The following HS6ST3 variants were observed in gnomAD, a reference collection of about 807,000 sequenced individuals.
HS6ST3 encodes the protein heparan-sulfate 6-O-sulfotransferase 3.
A neutral mutation model predicts 36.7 loss-of-function variants in HS6ST3; 12 were observed. The ratio of observed to expected loss-of-function variants is 0.33; its 90% CI spans 0.21 to 0.53. HS6ST3 has a LOEUF of 0.53. Ranked by LOEUF, HS6ST3 falls within the 20% of genes least tolerant of loss-of-function variation. The pLI is 0.95. For synonymous variants in HS6ST3, 240 were observed against 257.5 expected, an observed-to-expected ratio of 0.93 and a Z score of 0.65; for missense variants, 584 against 640.9, an observed-to-expected ratio of 0.91 and a Z score of 0.96.
intron 1 of HS6ST3, among the ~76,000 whole-genome samples, chr13:96,537,954 G>A (rs1399609709): frequency 6.6e-6 from 1 of 152,150 alleles, no homozygotes; most frequent in African/African-American, 2.4e-5. Flanking sequence ...GATACCAGAA[G>A]AAGAGGTGAG....
intron 1 of HS6ST3, among the ~76,000 whole-genome samples, chr13:96,339,754 A>G (rs568345223): frequency 6.6e-6 from 1 of 152,332 alleles, no homozygotes; most frequent in Admixed American, 6.5e-5. Flanking sequence ...ACAGTGGGTT[A>G]CTATCTTTAT....
intron 1 of HS6ST3, among the ~76,000 whole-genome samples, chr13:96,268,354 C>T (rs910970640): frequency 2.6e-5 from 4 of 151,852 alleles, no homozygotes; most frequent in Non-Finnish European, 4.4e-5. Flanking sequence ...CTTCACATGG[C>T]GGCAGCAGGG....
intron 1 of HS6ST3, among the ~76,000 whole-genome samples, chr13:96,159,850 G>T (rs949898846): frequency 1.3e-5 from 2 of 152,118 alleles, no homozygotes; most frequent in African/African-American, 4.8e-5. Flanking sequence ...CACTAATGAG[G>T]GGCAGTGTCC....
intron 1 of HS6ST3, among the ~76,000 whole-genome samples, chr13:96,166,633 A>C (rs1297114960): frequency 6.9e-6 from 1 of 145,812 alleles, no homozygotes; most frequent in Non-Finnish European, 1.5e-5. Flanking sequence ...GCTGGTCTCA[A>C]ACTCCTAACC....
At chr13:96,798,583 A>G (rs1877968907) in intron 1 of HS6ST3, among the ~76,000 whole-genome samples, 1 of 152,086 alleles carries the variant, frequency 6.6e-6, no homozygotes, top group Admixed American at 6.6e-5. Flanking sequence ...TGGACTTTGT[A>G]ACCATTTAGC....
rs1018461522 is a variant in HS6ST3, at chr13:96,534,770, C to T, written c.708-297720C>T. The stretch of plus-strand genomic sequence containing the variant: ...GGTCAGGAGTTCAAGACCAGCCTGG[C>T]CAACATGGTGAAACCCTGTCTCTAC... On this transcript the variant is annotated intron_variant, in intron 1 of 1. Coordinates refer to ENST00000376705, the MANE Select transcript of HS6ST3 (RefSeq NM_153456.4). Among the ~76,000 whole-genome samples, 13 of 152,168 alleles carry T rather than the reference C, an allele frequency of 8.5e-5. 2 individuals carry two copies. Among genetic ancestry groups the T allele is most frequent in the African/African-American group, 3.1e-4 (13 of 41,512 alleles).
At chr13:96,338,281 A>G (rs2055111928) in intron 1 of HS6ST3, among the ~76,000 whole-genome samples, 1 of 152,036 alleles carries the variant, frequency 6.6e-6, no homozygotes, top group African/African-American at 2.4e-5. Flanking sequence ...CAACTTTCAG[A>G]TGTGGAGGTG....
intron 1 of HS6ST3, among the ~76,000 whole-genome samples, chr13:96,806,555 A>G (rs1001232242): frequency 6.6e-6 from 1 of 152,236 alleles, no homozygotes; most frequent in African/African-American, 2.4e-5. Context: ...GAATAATATT[A>G]GGATCTAGTC....
intron 1 of HS6ST3, among the ~76,000 whole-genome samples, chr13:96,320,421 C>T (rs918103705): frequency 5.3e-5 from 8 of 152,152 alleles, no homozygotes; most frequent in Non-Finnish European, 1.2e-4. Context: ...GATGTGAGAA[C>T]ATTCAGTTCT....
intron 1 of HS6ST3, among the ~76,000 whole-genome samples, chr13:96,792,415 G>A (rs762583787): frequency 1.1e-4 from 17 of 151,862 alleles, no homozygotes; most frequent in Admixed American, 2.0e-4. Flanking sequence ...ATCAGAACAC[G>A]TCCTATTTTT....
chr13:96,506,531 TG>T (rs2056027300), intron 1 of HS6ST3, among the ~76,000 whole-genome samples: 3 of 152,168 alleles, frequency 2.0e-5, no homozygotes, highest in African/African-American at 7.2e-5. Context: ...AACCATCTTT[TG>T]TAGCTATCGC....
intron 1 of HS6ST3, among the ~76,000 whole-genome samples, chr13:96,229,677 TG>T (rs1212649972): frequency 6.6e-6 from 1 of 152,168 alleles, no homozygotes; most frequent in Non-Finnish European, 1.5e-5. Flanking sequence ...CATATAAGTT[TG>T]GGGGTCACAA....
At chr13:96,208,470 G>A (rs905906160) in intron 1 of HS6ST3, among the ~76,000 whole-genome samples, 4 of 152,156 alleles carry the variant, frequency 2.6e-5, no homozygotes, top group Admixed American at 2.6e-4. Flanking sequence ...TGCCAGAAAT[G>A]TAAATTTAGT....
intron 1 of HS6ST3, among the ~76,000 whole-genome samples, chr13:96,334,202 G>A (rs1484692413): frequency 6.6e-6 from 1 of 152,204 alleles, no homozygotes; most frequent in Admixed American, 6.5e-5. Context: ...TTCATGCCAA[G>A]TCTCGTGTTG....
intron 1 of HS6ST3, among the ~76,000 whole-genome samples, chr13:96,587,842 T>G (rs1295481352): frequency 2.6e-5 from 4 of 152,204 alleles, no homozygotes; most frequent in African/African-American, 9.6e-5. Context: ...CAATAGCAAG[T>G]TGTATGGACA....
chr13:96,822,505 A>C (rs985076565), intron 1 of HS6ST3, among the ~76,000 whole-genome samples: 1 of 152,118 alleles, frequency 6.6e-6, no homozygotes, highest in Admixed American at 6.5e-5. Context: ...TGTGACAACC[A>C]CCCGAAAATC....
intron 1 of HS6ST3, among the ~76,000 whole-genome samples, chr13:96,286,526 G>T (rs1925121): frequency 1.3e-5 from 2 of 152,000 alleles, no homozygotes; most frequent in African/African-American, 4.8e-5. Context: ...AATAGAATCT[G>T]TAGGTCTATA....
intron 1 of HS6ST3, among the ~76,000 whole-genome samples, chr13:96,626,366 A>T (rs557549502): frequency 2.0e-5 from 3 of 152,172 alleles, no homozygotes; most frequent in Non-Finnish European, 4.4e-5. Flanking sequence ...AGTACTACTT[A>T]TTGAAAAATC....
chr13:96,392,799 G>A (rs7358912), intron 1 of HS6ST3, among the ~76,000 whole-genome samples: 49,120 of 152,018 alleles, frequency 0.32, 8,700 homozygotes, highest in Non-Finnish European at 0.41. Context: ...GGCCTCAAAG[G>A]CCATGTTGGT....
Sources: gnomAD v4.1 joint callset for allele counts (sites outside exome capture counted in the v4.1 genomes callset) on GRCh38, gnomAD v4.1.1 for gene constraint, MANE v1.5 for transcripts, NCBI Gene and HGNC (gene_info 2026-07-23, HGNC 2026-07-21) for gene names.